CDH3: variants seen among roughly 807,000 people sequenced by gnomAD.
The protein encoded by CDH3 is cadherin 3.
CDH3 carries 54 observed loss-of-function variants against 82.0 expected under a neutral mutation model. That is an observed-to-expected ratio of 0.66 (90% CI 0.53 to 0.83). The LOEUF (loss-of-function observed/expected upper bound fraction) is 0.83. Among genes scored for constraint, CDH3 ranks in the 40% least tolerant of loss-of-function variants. The pLI, the probability that CDH3 is intolerant of heterozygous loss-of-function variation, is 0.00. For synonymous variants in CDH3, 446 were observed against 437.9 expected (o/e 1.02, Z -0.23); for missense variants, 1,054 against 1,084.6 (o/e 0.97, Z 0.40).
intron 2 of CDH3, among the ~76,000 whole-genome samples, chr16:68,659,241 C>T (rs1011194803): frequency 6.6e-6 from 1 of 152,106 alleles, no homozygotes; most frequent in Non-Finnish European, 1.5e-5. Flanking sequence ...CACCACTGAA[C>T]TCTACTGCCT....
In CDH3 at chr16:68,672,971, T is replaced by C. The variant is rs80355886; in HGVS notation, c.161-3414T>C. On this transcript the variant is annotated intron_variant, in intron 2 of 15. Transcript: ENST00000264012. ...ATCTGGCTTCTACTACTCAACCTTA[T>C]GTTTGTTAAATTTCCCATGTAGTTG... Among the ~76,000 whole-genome samples, 536 of 152,334 alleles carry C rather than the reference T, an allele frequency of 3.5e-3. 2 individuals carry two copies. The highest frequency in any genetic ancestry group is 0.012 in the African/African-American group (515 of 41,574).
At chr16:68,694,008 CACTT>C (rs1961641261) in intron 13 of CDH3, among the ~76,000 whole-genome samples, 1 of 152,120 alleles carries the variant, frequency 6.6e-6, no homozygotes, top group Non-Finnish European at 1.5e-5. Context: ...GTAATCCCAG[CACTT>C]TGGGAGCTGA....
At chr16:68,651,626 G>T (rs1448682045) in intron 2 of CDH3, 4 of 506,924 alleles carry the variant, frequency 7.9e-6, no homozygotes, top group South Asian at 1.6e-5. Context: ...TCTCAAACAG[G>T]TTACTGGCCT....
Position 68,711,359 on chromosome 16 carries a change from G to A in CDH3, c.100-11066G>A, listed in dbSNP as rs1028432093. On this transcript the variant is annotated intron_variant, in intron 1 of 2. Coordinates refer to the CDH3 transcript ENST00000569080. Reference sequence around the variant, plus strand: ...AAAAAGAAAGAAAAAGAAAGAAAAGGAAAGAAGAAAGAAAGAGAAAGAGCA... The same window carrying A: ...AAAAAGAAAGAAAAAGAAAGAAAAGAAAAGAAGAAAGAAAGAGAAAGAGCA... Among the ~76,000 whole-genome samples, 9 of 141,974 alleles carry A rather than the reference G, an allele frequency of 6.3e-5. No individual in the cohort carries two copies. The Admixed American group carries it at 6.5e-4, about 10-fold the overall frequency. The allele number at this position is 141,974 out of a possible 152,430, so 93.1% of individuals were successfully genotyped here.
At chr16:68,650,366 G>A (rs73558865) in intron 2 of CDH3, among the ~76,000 whole-genome samples, 23,309 of 152,106 alleles carry the variant, frequency 0.15, 1,985 homozygotes, top group East Asian at 0.23. Context: ...GTGCAATGGC[G>A]CAGTCTCGGC....
chr16:68,715,576 G>C (rs1962085451), intron 1 of CDH3, among the ~76,000 whole-genome samples: 1 of 152,178 alleles, frequency 6.6e-6, no homozygotes, highest in South Asian at 2.1e-4. Flanking sequence ...CCCCACTCCA[G>C]CCTGCAGGGA....
chr16:68,731,047 A>AAAT (rs1962279500), downstream of CDH3, among the ~76,000 whole-genome samples: 1 of 26,350 alleles, frequency 3.8e-5, no homozygotes, highest in Non-Finnish European at 6.5e-5. Flanking sequence ...AAAAAAAAAA[A>AAAT]ATATATATAT....
At chr16:68,646,989 T>C (rs1440497470) in intron 2 of CDH3, among the ~76,000 whole-genome samples, 3 of 60,448 alleles carry the variant, frequency 5.0e-5, no homozygotes, top group Non-Finnish European at 1.1e-4. Flanking sequence ...AAAAATTCTT[T>C]CTGCAAATAA....
At chr16:68,708,127 A>G (rs1162445620) in intron 1 of CDH3, among the ~76,000 whole-genome samples, 1 of 152,134 alleles carries the variant, frequency 6.6e-6, no homozygotes, top group African/African-American at 2.4e-5. Context: ...CAGGAGTTCA[A>G]AACCAGCCTG....
At chr16:68,647,696 C>T (rs1960117462) in intron 2 of CDH3, among the ~76,000 whole-genome samples, 2 of 152,024 alleles carry the variant, frequency 1.3e-5, no homozygotes, top group Non-Finnish European at 2.9e-5. Context: ...CCAGTTGGTC[C>T]CAATAAATTG....
chr16:68,669,474 C>G (rs1960827328), intron 2 of CDH3, among the ~76,000 whole-genome samples: 1 of 152,038 alleles, frequency 6.6e-6, no homozygotes, highest in Non-Finnish European at 1.5e-5. Context: ...ATGCACAGCC[C>G]AGATACTGTG....
intron 1 of CDH3, among the ~76,000 whole-genome samples, chr16:68,719,158 G>GC (rs1487258863): frequency 6.6e-6 from 1 of 151,566 alleles, no homozygotes; most frequent in Non-Finnish European, 1.5e-5. Flanking sequence ...AGGGAGAATT[G>GC]CTTGAACCCA....
At position 68,722,818 on chromosome 16, in the gene CDH3, C is replaced by T. The variant is rs530330634; in HGVS notation, c.*45+202C>T. On this transcript the variant is annotated intron_variant, in intron 2 of 2. Coordinates refer to the CDH3 transcript ENST00000569080. Reference sequence around the variant, plus strand: ...TTTATTTATTTTTTGAGACGGGTTTCGCTCTTGTTGCTCAGGCTGGAGTGG... The same window carrying T: ...TTTATTTATTTTTTGAGACGGGTTTTGCTCTTGTTGCTCAGGCTGGAGTGG... Among the ~76,000 whole-genome samples the T allele has an allele frequency of 6.6e-5, 10 of 152,046 alleles. No individual in the cohort carries two copies. The South Asian group carries it at 1.9e-3, about 28-fold the overall frequency.
Position 68,707,057 on chromosome 16 carries a change from G to A in CDH3, c.99+11134G>A, listed in dbSNP as rs927580701. ...AGGAAGGGCCTGGGGGTAGGGCTCA[G>A]TTCTAGGAGCCAGGGAAGGCACTGC... On this transcript the variant is annotated intron_variant, in intron 1 of 2. Transcript: ENST00000569080. This position sits in a 1 kb window ranked among gnomAD's most constrained non-coding sequence, Gnocchi z 4.5. 1.3e-5 allele frequency among the ~76,000 whole-genome samples: 2 copies of A among 152,224 alleles called. No individual in the cohort carries two copies. Among genetic ancestry groups the A allele is most frequent in the Non-Finnish European group, 2.9e-5 (2 of 68,032 alleles).
At chr16:68,705,307 C>T (rs1961946374) in intron 1 of CDH3, among the ~76,000 whole-genome samples, 1 of 152,140 alleles carries the variant, frequency 6.6e-6, no homozygotes, top group Non-Finnish European at 1.5e-5. Context: ...AGCCCTGAAG[C>T]ACAAAAGCCA....
intron 11 of CDH3, among the ~76,000 whole-genome samples, chr16:68,687,128 G>A (rs1255150807): frequency 6.6e-6 from 1 of 152,192 alleles, no homozygotes; most frequent in Non-Finnish European, 1.5e-5. Context: ...CAGATGGGAG[G>A]TTATGACGTA....
At chr16:68,653,938 C>T (rs913033676) in intron 2 of CDH3, among the ~76,000 whole-genome samples, 4 of 151,624 alleles carry the variant, frequency 2.6e-5, no homozygotes, top group African/African-American at 7.3e-5. Flanking sequence ...AGGATGGTCT[C>T]GATCTCCTGA....
At chr16:68,667,395 C>T (rs1262416432) in intron 2 of CDH3, among the ~76,000 whole-genome samples, 1 of 152,162 alleles carries the variant, frequency 6.6e-6, no homozygotes, top group African/African-American at 2.4e-5. Flanking sequence ...TTTTCCTTTT[C>T]CTCTAGTCAA....
intron 1 of CDH3, among the ~76,000 whole-genome samples, chr16:68,712,686 T>C (rs2152110263): frequency 6.6e-6 from 1 of 151,262 alleles, no homozygotes; most frequent in East Asian, 1.9e-4. Flanking sequence ...ATTCCCAGGT[T>C]CCTTTTTTTT....
Sources: allele counts gnomAD v4.1 joint callset (sites outside exome capture counted in the v4.1 genomes callset), GRCh38; gene constraint gnomAD v4.1.1; non-coding constraint Gnocchi (gnomAD v3.1); transcripts MANE v1.5; gene names NCBI Gene and HGNC (gene_info 2026-07-23, HGNC 2026-07-21).